Variants in FAM168A observed in about 807,000 individuals in gnomAD.
The protein encoded by FAM168A is protein FAM168A.
Under a neutral mutation model 28.5 loss-of-function variants are expected in FAM168A, and 3 were observed. The ratio of observed to expected loss-of-function variants is 0.11; its 90% CI spans 0.05 to 0.27. FAM168A has a LOEUF of 0.27. FAM168A is among the 10% of genes least tolerant of loss of function. FAM168A has a pLI of 1.00. For missense variants in FAM168A, 222 were observed against 311.5 expected (o/e 0.71, Z 2.16); for synonymous variants, 122 against 124.2 (o/e 0.98, Z 0.12).
rs1046711933 is a variant in FAM168A, at chr11:73,402,668, G to A, written c.*4095C>T. On this transcript the variant is annotated 3_prime_UTR_variant, in exon 8 of 8. Transcript: ENST00000356467. ...CAGGCTCTCAGGGATTAGGAAGCCA[G>A]GTGTGCAGGCTTACCAAGGACATGG... 6.6e-6 allele frequency: 1 copy of A among 152,246 alleles called. No homozygotes were observed. The highest frequency in any genetic ancestry group is 2.4e-5 in the African/African-American group (1 of 41,442). The allele number at this position is 152,246 out of a possible 1,614,324, so 9.4% of individuals were successfully genotyped here.
At chr11:73,581,135 T>C (rs1327456093) in intron 1 of FAM168A, among the ~76,000 whole-genome samples, 1 of 152,244 alleles carries the variant, frequency 6.6e-6, no homozygotes, top group Non-Finnish European at 1.5e-5. Context: ...ACCCTCACTC[T>C]AAACTTTCCC....
rs745662308 is a variant in FAM168A at position 73,430,746 on chromosome 11, G to C, written c.95C>G (p.Ala32Gly). ...CAGGCTGGGATTGTAGGCAGGGGCA[G>C]CTGCTGGATAGGCTGTGGGGTAACC... is the stretch of plus-strand genomic sequence containing the variant. Reference protein sequence around the residue: ...YTGYPTAYPAAAPAYNPSLYP... With the variant: ...YTGYPTAYPAGAPAYNPSLYP... The change falls in exon 3 of 8, where the codon GCT (alanine) becomes GGT (glycine). Residue 32 changes from alanine (A) to glycine (G), a missense_variant. Ala to Gly is a moderately conservative substitution (Grantham distance 60). Transcript: ENST00000356467. The C allele has an allele frequency of 1.7e-5, 27 of 1,613,300 alleles. 2 individuals carry two copies. In the South Asian group the frequency reaches 2.9e-4, roughly 17 times the overall value.
intron 1 of FAM168A, among the ~76,000 whole-genome samples, chr11:73,549,107 A>G (rs1195108931): frequency 6.6e-6 from 1 of 151,966 alleles, no homozygotes; most frequent in Non-Finnish European, 1.5e-5. Flanking sequence ...ATGCCCAGCT[A>G]ATTTTTGTAT....
chr11:73,496,307 G>A (rs1360275332), intron 1 of FAM168A, among the ~76,000 whole-genome samples: 1 of 152,220 alleles, frequency 6.6e-6, no homozygotes, highest in African/African-American at 2.4e-5. Flanking sequence ...GGTTACCAAG[G>A]TGGAAGGTGA....
At chr11:73,465,987 A>AGAG (rs1181704311) in intron 2 of FAM168A, among the ~76,000 whole-genome samples, 30 of 147,560 alleles carry the variant, frequency 2.0e-4, no homozygotes, top group Non-Finnish European at 3.3e-4. Flanking sequence ...GAGAGAGAGA[A>AGAG]AGAACACTGT....
chr11:73,547,588 G>T (rs1192550880), intron 1 of FAM168A, among the ~76,000 whole-genome samples: 4 of 152,150 alleles, frequency 2.6e-5, no homozygotes, highest in African/African-American at 9.7e-5. Flanking sequence ...CTTGAGCCCA[G>T]GAGTTCGAGG....
chr11:73,538,787 G>T (rs940533518), intron 1 of FAM168A, among the ~76,000 whole-genome samples: 1 of 152,154 alleles, frequency 6.6e-6, no homozygotes, highest in Non-Finnish European at 1.5e-5. Context: ...CATTGTCATG[G>T]CTTGCCCTCT....
chr11:73,537,885 TAC>T (rs942144336), intron 1 of FAM168A, among the ~76,000 whole-genome samples: 2 of 152,206 alleles, frequency 1.3e-5, no homozygotes, highest in South Asian at 2.1e-4. Context: ...CTAACACATG[TAC>T]ACACACACTT....
chr11:73,421,801 C>T (rs1866797627), intron 3 of FAM168A, among the ~76,000 whole-genome samples: 1 of 152,210 alleles, frequency 6.6e-6, no homozygotes, highest in South Asian at 2.1e-4. Context: ...GCCCTCAAGA[C>T]CCCGCAGGAA....
intron 2 of FAM168A, among the ~76,000 whole-genome samples, chr11:73,444,994 T>C (rs1233266861): frequency 1.3e-5 from 2 of 152,184 alleles, no homozygotes; most frequent in Non-Finnish European, 2.9e-5. Flanking sequence ...CCGCGGTGGC[T>C]CACACCTGTA....
intron 1 of FAM168A, among the ~76,000 whole-genome samples, chr11:73,477,921 GTAGATAGATAGATAGA>G (rs35031500): frequency 0.014 from 2,061 of 147,306 alleles, 71 homozygotes; most frequent in Admixed American, 0.069. Flanking sequence ...AAGCTGATAT[GTAGATAGATAGATAGA>G]TAGATAGATA....
intron 1 of FAM168A, among the ~76,000 whole-genome samples, chr11:73,556,900 G>A (rs1220903158): frequency 1.3e-5 from 2 of 151,522 alleles, no homozygotes; most frequent in Non-Finnish European, 2.9e-5. Context: ...ATGGTGGCAC[G>A]CACCTATAAT....
At chr11:73,418,585 A>G (rs75722416) in intron 4 of FAM168A, among the ~76,000 whole-genome samples, 4,504 of 152,296 alleles carry the variant, frequency 0.03, 215 homozygotes, top group African/African-American at 0.1. Flanking sequence ...AAAAGAAAAA[A>G]ATACAATGAA....
At chr11:73,561,901 T>G (rs12291233) in intron 1 of FAM168A, among the ~76,000 whole-genome samples, 32,691 of 152,050 alleles carry the variant, frequency 0.22, 5,926 homozygotes, top group African/African-American at 0.5. Context: ...GAATTTCAAT[T>G]CTGCAATCTT....
intron 6 of FAM168A, among the ~76,000 whole-genome samples, chr11:73,408,284 TTCTGA>T: frequency 6.6e-6 from 1 of 152,210 alleles, no homozygotes; most frequent in East Asian, 1.9e-4. Context: ...AAGGACAGTG[TTCTGA>T]TCTGATCTAT....
intron 1 of FAM168A, among the ~76,000 whole-genome samples, chr11:73,545,870 A>C (rs77762938): frequency 6.6e-6 from 1 of 151,938 alleles, no homozygotes; most frequent in East Asian, 1.9e-4. Context: ...TATTTTACTT[A>C]ATATTCACAA....
chr11:73,489,370 C>G (rs1225955090), intron 1 of FAM168A, among the ~76,000 whole-genome samples: 2 of 152,172 alleles, frequency 1.3e-5, no homozygotes, highest in Non-Finnish European at 2.9e-5. Context: ...CACCACTCTA[C>G]CACCATGTTC....
At chr11:73,460,261 T>C (rs17244589) in intron 2 of FAM168A, among the ~76,000 whole-genome samples, 11,427 of 152,194 alleles carry the variant, frequency 0.075, 561 homozygotes, top group Admixed American at 0.11. Context: ...CTCCTTGCCA[T>C]ATCAGAGGGC....
At chr11:73,454,907 G>A (rs1307370399) in intron 2 of FAM168A, among the ~76,000 whole-genome samples, 7 of 152,106 alleles carry the variant, frequency 4.6e-5, no homozygotes, top group Non-Finnish European at 1.0e-4. Flanking sequence ...CCTTCAATTC[G>A]TTTAGGCTAC....
Sources: gnomAD v4.1 joint callset for allele counts (sites outside exome capture counted in the v4.1 genomes callset) on GRCh38, gnomAD v4.1.1 for gene constraint, MANE v1.5 for transcripts, NCBI Gene and HGNC (gene_info 2026-07-23, HGNC 2026-07-21) for gene names.